The following DOK6 variants were observed in gnomAD, a reference collection of about 807,000 sequenced individuals.
DOK6 encodes the protein downstream of tyrosine kinase 6.
DOK6 carries 22 observed loss-of-function variants against 44.0 expected under a neutral mutation model. That is an observed-to-expected ratio of 0.50 (90% CI 0.36 to 0.71). The LOEUF (loss-of-function observed/expected upper bound fraction) is 0.71. Among genes scored for constraint, DOK6 ranks in the 30% least tolerant of loss-of-function variants. DOK6 has a pLI of 0.00. For synonymous variants in DOK6, 166 were observed against 145.5 expected (o/e 1.14, Z -1.01); for missense variants, 340 against 416.4 (o/e 0.82, Z 1.60).
intron 4 of DOK6, among the ~76,000 whole-genome samples, chr18:69,683,246 T>C (rs1305135700): frequency 5.3e-5 from 8 of 151,622 alleles, no homozygotes; most frequent in Admixed American, 2.6e-4. Flanking sequence ...CCAAAGTGAG[T>C]TCCTGGAAAT....
At chr18:69,432,210 A>G (rs1333896148) in intron 1 of DOK6, among the ~76,000 whole-genome samples, 1 of 152,218 alleles carries the variant, frequency 6.6e-6, no homozygotes, top group Non-Finnish European at 1.5e-5. Context: ...TAAAAGACCA[A>G]TGCATGAGGA....
rs1984102322 is a variant in DOK6 at position 69,610,132 on chromosome 18, T to C, written c.289+10634T>C. Among the ~76,000 whole-genome samples, 5 of 152,288 alleles carry C rather than the reference T, an allele frequency of 3.3e-5. No individual in the cohort carries two copies. In the South Asian group the frequency reaches 1.0e-3, roughly 32 times the overall value. On this transcript the variant is annotated intron_variant, in intron 3 of 7. Coordinates refer to ENST00000382713, the MANE Select transcript of DOK6 (RefSeq NM_152721.6). ...AATGTATTGCCTTTTTAAAAATCTG[T>C]TAAGAAGGTAGAGCTCATGTTAAGT...
chr18:69,799,220 G>A (rs1980833620), intron 7 of DOK6, among the ~76,000 whole-genome samples: 1 of 151,916 alleles, frequency 6.6e-6, no homozygotes, highest in Admixed American at 6.6e-5. Flanking sequence ...CATTTTAAAT[G>A]TTTTCAGATT....
intron 7 of DOK6, among the ~76,000 whole-genome samples, chr18:69,817,318 A>G (rs755188189): frequency 2.4e-4 from 37 of 152,200 alleles, no homozygotes; most frequent in Non-Finnish European, 5.0e-4. Flanking sequence ...AAAAATGAAA[A>G]TAATAAAAAT....
intron 1 of DOK6, among the ~76,000 whole-genome samples, chr18:69,419,888 A>G (rs1978437701): frequency 6.6e-6 from 1 of 152,146 alleles, no homozygotes; most frequent in Admixed American, 6.6e-5. Flanking sequence ...TATTGGCACC[A>G]CCTTCATAGA....
At chr18:69,660,202 G>A (rs1045167153) in intron 3 of DOK6, 16 of 152,022 alleles carry the variant, frequency 1.1e-4, no homozygotes, top group Admixed American at 3.3e-4. Flanking sequence ...GTTTCTGTAC[G>A]TCTGAAACAA....
chr18:69,517,339 G>A (rs1266748073), intron 1 of DOK6, among the ~76,000 whole-genome samples: 1 of 152,068 alleles, frequency 6.6e-6, no homozygotes, highest in Admixed American at 6.5e-5. Context: ...AAAAAACATT[G>A]TTTTGCTTAT....
At chr18:69,485,183 A>T (rs1348369901) in intron 1 of DOK6, among the ~76,000 whole-genome samples, 3 of 152,174 alleles carry the variant, frequency 2.0e-5, no homozygotes, top group Non-Finnish European at 4.4e-5. Context: ...ACTGTTCAAC[A>T]GATGATGCAA....
chr18:69,744,641 T>A (rs1978919269), intron 6 of DOK6, among the ~76,000 whole-genome samples: 1 of 152,010 alleles, frequency 6.6e-6, no homozygotes. Flanking sequence ...AAAACCTCAC[T>A]TGGCTGGGCG....
intron 1 of DOK6, among the ~76,000 whole-genome samples, chr18:69,516,811 G>A (rs1981537426): frequency 1.3e-5 from 2 of 151,194 alleles, no homozygotes; most frequent in Admixed American, 1.3e-4. Flanking sequence ...GAGAAGCTGG[G>A]ATTACAGGCA....
intron 1 of DOK6, among the ~76,000 whole-genome samples, chr18:69,515,278 A>G (rs897094092): frequency 1.3e-5 from 2 of 152,184 alleles, no homozygotes; most frequent in African/African-American, 4.8e-5. Flanking sequence ...AATTGTCCGT[A>G]TGTTTGTGGG....
chr18:69,645,644 T>A (rs940454765), intron 3 of DOK6, among the ~76,000 whole-genome samples: 2 of 152,104 alleles, frequency 1.3e-5, no homozygotes, highest in Non-Finnish European at 2.9e-5. Context: ...GCATTCTTAC[T>A]ATATAACCCA....
chr18:69,818,994 T>G (rs9319791), intron 7 of DOK6, among the ~76,000 whole-genome samples: 1 of 152,140 alleles, frequency 6.6e-6, no homozygotes, highest in East Asian at 1.9e-4. Flanking sequence ...ACGGTGAAAA[T>G]CAAAGTTTTA....
intron 3 of DOK6, among the ~76,000 whole-genome samples, chr18:69,650,111 T>C (rs1301663876): frequency 6.6e-6 from 1 of 152,084 alleles, no homozygotes. Flanking sequence ...GTGCCTACTG[T>C]CTATTGTTCT....
intron 3 of DOK6, among the ~76,000 whole-genome samples, chr18:69,624,626 G>A (rs1216620377): frequency 1.3e-5 from 2 of 152,080 alleles, no homozygotes; most frequent in Non-Finnish European, 2.9e-5. Context: ...TATCATGAGA[G>A]TATTACTTAC....
At chr18:69,506,633 T>G (rs1432769265) in intron 1 of DOK6, among the ~76,000 whole-genome samples, 1 of 152,168 alleles carries the variant, frequency 6.6e-6, no homozygotes, top group African/African-American at 2.4e-5. Flanking sequence ...CTATCACAGT[T>G]TATTTATTTA....
intron 3 of DOK6, among the ~76,000 whole-genome samples, chr18:69,631,971 A>T (rs192704779): frequency 6.6e-6 from 1 of 152,202 alleles, no homozygotes; most frequent in Non-Finnish European, 1.5e-5. Flanking sequence ...GATTCATTGT[A>T]TGCCTTAAGC....
Position 69,843,757 on chromosome 18 carries a change from G to A in DOK6, c.*2374G>A, listed in dbSNP as rs546618135. Reference sequence around the variant, plus strand: ...GCCAGTTCATTCTGAAAATGATGTCGTAAAAAGAGTATGTGTGAGAGAAAT... The same window carrying A: ...GCCAGTTCATTCTGAAAATGATGTCATAAAAAGAGTATGTGTGAGAGAAAT... On this transcript the variant is annotated 3_prime_UTR_variant, in exon 8 of 8. Transcript: ENST00000382713. 25 of 152,316 alleles carry A rather than the reference G, an allele frequency of 1.6e-4. No individual in the cohort carries two copies. Among genetic ancestry groups the A allele is most frequent in the African/African-American group, 4.3e-4 (18 of 41,574 alleles). 9.4% of individuals were successfully genotyped at this position (152,316 alleles called of 1,614,324 possible).
intron 7 of DOK6, among the ~76,000 whole-genome samples, chr18:69,823,635 G>C (rs1268048128): frequency 1.3e-5 from 2 of 151,344 alleles, no homozygotes; most frequent in Admixed American, 1.3e-4. Flanking sequence ...TTGTGTGTGT[G>C]TGTGTGTGTG....
Sources: allele counts gnomAD v4.1 joint callset (sites outside exome capture counted in the v4.1 genomes callset), GRCh38; gene constraint gnomAD v4.1.1; transcripts MANE v1.5; gene names NCBI Gene and HGNC (gene_info 2026-07-23, HGNC 2026-07-21).